The following ZNF608 variants were observed in gnomAD, a reference collection of about 807,000 sequenced individuals.
The protein encoded by ZNF608 is renal carcinoma antigen NY-REN-36.
Under a neutral mutation model 109.0 loss-of-function variants are expected in ZNF608, and 12 were observed. That is an observed-to-expected ratio of 0.11 (90% CI 0.07 to 0.18). The LOEUF is 0.18. ZNF608 is among the 10% of genes least tolerant of loss of function. The probability of loss-of-function intolerance (pLI) is 1.00; values close to 1 mark genes in which losing one functional copy is unlikely to be tolerated. For missense variants in ZNF608, 1,707 were observed against 1,879.3 expected, an observed-to-expected ratio of 0.91 and a Z score of 1.70; for synonymous variants, 732 against 717.4, an observed-to-expected ratio of 1.02 and a Z score of -0.33.
intron 3 of ZNF608, 37 bp from the exon 4 acceptor site, chr5:124,649,734 C>A (rs780145092): frequency 1.5e-6 from 2 of 1,297,498 alleles, no homozygotes; most frequent in Non-Finnish European, 2.2e-6. Context: ...ATCATAGTTA[C>A]CACTGATTAC....
intron 3 of ZNF608, among the ~76,000 whole-genome samples, chr5:124,674,682 C>A (rs770482545): frequency 6.6e-6 from 1 of 152,188 alleles, no homozygotes; most frequent in Non-Finnish European, 1.5e-5. Flanking sequence ...ATAATCATAG[C>A]TCACGGCAGC....
At chr5:124,724,072 T>G (rs1232356112) in intron 2 of ZNF608, among the ~76,000 whole-genome samples, 1 of 152,180 alleles carries the variant, frequency 6.6e-6, no homozygotes, top group East Asian at 1.9e-4. Flanking sequence ...GTTCCACCAT[T>G]GCTGGGAATG....
intron 3 of ZNF608, among the ~76,000 whole-genome samples, chr5:124,657,693 AC>A (rs1182995926): frequency 6.6e-6 from 1 of 151,988 alleles, no homozygotes; most frequent in Non-Finnish European, 1.5e-5. Flanking sequence ...AAACAAACAA[AC>A]AAACAAAAAC....
chr5:124,689,091 A>G (rs1264328352), intron 3 of ZNF608, among the ~76,000 whole-genome samples: 2 of 152,244 alleles, frequency 1.3e-5, no homozygotes, highest in African/African-American at 2.4e-5. Context: ...AGAAATACGT[A>G]TAAGATGTAT....
rs202030130 is a variant in ZNF608 at position 124,647,190 on chromosome 5, G to C, written c.3194C>G (p.Ser1065Trp). ...NSASLQPQHQ[S>W]VITQRHPALA... ...GGCAGGATGTCTTTGTGTGATCACC[G>C]ACTGGTGCTGAGGCTGTAAGGATGC... Residue 1065 changes from serine (S) to tryptophan (W), a missense_variant, in exon 5 of 10, where the codon TCG (serine) becomes TGG (tryptophan). Physicochemically the swap from Ser to Trp is radical, Grantham distance 177. This residue lies in a region of ZNF608 where 1,073 missense variants were observed against 1,133.5 expected (regional missense o/e 0.95). Transcript: ENST00000513986. 2.0e-5 allele frequency: 32 copies of C among 1,614,042 alleles called. No individual in the cohort carries two copies. Among genetic ancestry groups the C allele is most frequent in the Non-Finnish European group, 2.7e-5 (32 of 1,180,048 alleles).
At chr5:124,716,142 CA>C (rs1232356378) in intron 2 of ZNF608, among the ~76,000 whole-genome samples, 22,499 of 74,278 alleles carry the variant, frequency 0.3, 1,288 homozygotes, top group African/African-American at 0.39. Context: ...GAATCCGTCT[CA>C]AAAAAAAAAA....
At position 124,647,915 on chromosome 5, in the gene ZNF608, T is replaced by A; in HGVS notation, c.2469A>T (p.Glu823Asp). 6.2e-7 allele frequency: 1 copy of A among 1,614,192 alleles called. No individual in the cohort carries two copies. The highest frequency in any genetic ancestry group is 8.5e-7 in the Non-Finnish European group (1 of 1,180,020). ...TTTTTGGGCTTCCCGTCTCTTTCCC[T>A]TCTTTGTCCTTTAGCTTTCGCTTCT... ...KKEKRKLKDKEGKETGSPKMD... is the reference protein window; with the variant it reads ...KKEKRKLKDKDGKETGSPKMD... Residue 823 changes from glutamate (E) to aspartate (D), a missense_variant, in exon 5 of 10, where the codon GAA becomes GAT. Transcript: ENST00000513986.
intron 2 of ZNF608, among the ~76,000 whole-genome samples, chr5:124,720,231 G>A (rs1201917243): frequency 6.6e-6 from 1 of 152,172 alleles, no homozygotes; most frequent in African/African-American, 2.4e-5. Flanking sequence ...CAAGCGGGGT[G>A]TCTCAAAAAG....
chr5:124,670,429 G>T (rs1751668556), intron 3 of ZNF608, among the ~76,000 whole-genome samples: 2 of 151,346 alleles, frequency 1.3e-5, no homozygotes, highest in African/African-American at 4.9e-5. Flanking sequence ...GTAAATGTGT[G>T]CTATTTTACC....
At chr5:124,722,167 T>C (rs998869482) in intron 2 of ZNF608, among the ~76,000 whole-genome samples, 3 of 151,852 alleles carry the variant, frequency 2.0e-5, no homozygotes, top group Non-Finnish European at 4.4e-5. Flanking sequence ...AAGAGCAACA[T>C]GGCAATTTTC....
At chr5:124,719,312 A>T (rs1344467481) in intron 2 of ZNF608, among the ~76,000 whole-genome samples, 1 of 152,244 alleles carries the variant, frequency 6.6e-6, no homozygotes, top group Non-Finnish European at 1.5e-5. Flanking sequence ...ATATTTTTGT[A>T]AATGATCAGA....
intron 2 of ZNF608, among the ~76,000 whole-genome samples, chr5:124,717,029 C>T (rs1455508477): frequency 6.6e-6 from 1 of 152,026 alleles, no homozygotes; most frequent in East Asian, 1.9e-4. Flanking sequence ...TTGCAGTGAG[C>T]CAAGATGACA....
In ZNF608 at chr5:124,646,786, C is replaced by T; in HGVS notation, c.3598G>A (p.Ala1200Thr). 6.2e-7 allele frequency: 1 copy of T among 1,614,244 alleles called. No individual in the cohort carries two copies. Among genetic ancestry groups the T allele is most frequent in the Non-Finnish European group, 8.5e-7 (1 of 1,180,044 alleles). Residue 1200 changes from alanine (A) to threonine (T), a missense_variant, in exon 5 of 10, where the codon GCT becomes ACT. Around this residue, in one of 7 missense-constraint regions of ZNF608, gnomAD observed 1,073 missense variants for 1,133.5 expected, o/e 0.95. Transcript: ENST00000513986. ...AGCTGGTGGTTTTCCATCTGCTTAGCTTTGAAGCTGTCGGCCTGAAGCTGC... is the reference window on the plus strand; with the variant it reads ...AGCTGGTGGTTTTCCATCTGCTTAGTTTTGAAGCTGTCGGCCTGAAGCTGC... ...QQQLQADSFKAKQMENHQLIK... is the reference protein window; with the variant it reads ...QQQLQADSFKTKQMENHQLIK...
At chr5:124,736,372 C>G (rs1749147126) in intron 2 of ZNF608, among the ~76,000 whole-genome samples, 1 of 152,124 alleles carries the variant, frequency 6.6e-6, no homozygotes, top group South Asian at 2.1e-4. Flanking sequence ...TAACATGAGC[C>G]ATCCATAAAA....
intron 2 of ZNF608, among the ~76,000 whole-genome samples, chr5:124,714,799 A>G (rs1463982155): frequency 6.6e-6 from 1 of 152,248 alleles, no homozygotes; most frequent in African/African-American, 2.4e-5. Context: ...CCAACACATT[A>G]AAAACATACT....
chr5:124,646,833 T>C lies in ZNF608; in HGVS notation c.3551A>G (p.Gln1184Arg). Residue 1184 changes from glutamine to arginine, a missense_variant, in exon 5 of 10, where the codon CAG becomes CGG. Physicochemically the swap from Gln to Arg is conservative, Grantham distance 43. Around this residue, in one of 7 missense-constraint regions of ZNF608, gnomAD observed 1,073 missense variants for 1,133.5 expected, o/e 0.95. Transcript: ENST00000513986. ...CTGCTGCTGGTGATTGGAGAGAAGC[T>C]GCGATTTACCTGTCTCCTCAGTTTT... ...PNKTEETGKSQLLSNHQQQLQ... is the reference protein window; with the variant it reads ...PNKTEETGKSRLLSNHQQQLQ... 6.2e-7 allele frequency: 1 copy of C among 1,614,254 alleles called. No homozygotes were observed. The highest frequency in any genetic ancestry group is 2.2e-5 in the East Asian group (1 of 44,888).
intron 3 of ZNF608, among the ~76,000 whole-genome samples, chr5:124,679,805 T>C (rs1278887534): frequency 6.6e-6 from 1 of 152,230 alleles, no homozygotes; most frequent in South Asian, 2.1e-4. Flanking sequence ...CATAGCAGTG[T>C]ACCTTGGTTT....
chr5:124,705,035 C>T (rs1282396370), intron 2 of ZNF608, among the ~76,000 whole-genome samples: 2 of 152,112 alleles, frequency 1.3e-5, no homozygotes, highest in African/African-American at 4.8e-5. Flanking sequence ...GGTTTCAGTT[C>T]TCTTGTGTAT....
chr5:124,647,586 T>C lies in ZNF608; in HGVS notation c.2798A>G (p.Lys933Arg). Residue 933 changes from lysine (K) to arginine (R), a missense_variant, in exon 5 of 10, where the codon AAG (lysine) becomes AGG (arginine). Coordinates refer to ENST00000513986, the MANE Select transcript of ZNF608 (RefSeq NM_020747.3). ...TQNGAESSAA[K>R]TSSPAYSDIS... is the part of the protein sequence containing the mutation. The stretch of plus-strand genomic sequence containing the variant: ...GTCTGAATAGGCCGGGCTGCTTGTC[T>C]TTGCAGCTGAACTCTCTGCCCCATT... 1 of 1,614,224 alleles carries C rather than the reference T, an allele frequency of 6.2e-7. No individual in the cohort carries two copies. Among genetic ancestry groups the C allele is most frequent in the Non-Finnish European group, 8.5e-7 (1 of 1,180,038 alleles).
Sources: allele counts gnomAD v4.1 joint callset (sites outside exome capture counted in the v4.1 genomes callset), GRCh38; gene constraint gnomAD v4.1.1; regional missense constraint gnomAD v4.1.1; transcripts MANE v1.5; gene names NCBI Gene and HGNC (gene_info 2026-07-23, HGNC 2026-07-21).